ETNPPL: variants seen among roughly 807,000 people sequenced by gnomAD.
The protein encoded by ETNPPL is alanine--glyoxylate aminotransferase 2-like 1.
In ETNPPL, 30 loss-of-function variants were observed where a neutral mutation model predicts 55.5. The observed-to-expected ratio is 0.54, with a 90% CI of 0.40 to 0.73. The LOEUF is 0.73. Among genes scored for constraint, ETNPPL ranks in the 30% least tolerant of loss-of-function variants. The pLI, the probability that ETNPPL is intolerant of heterozygous loss-of-function variation, is 0.00. For missense variants in ETNPPL, 528 were observed against 607.9 expected, an observed-to-expected ratio of 0.87 and a Z score of 1.38; for synonymous variants, 202 against 207.2, an observed-to-expected ratio of 0.98 and a Z score of 0.21.
chr4:108,756,362 T>C lies in ETNPPL; in HGVS notation c.410+56A>G. 6.6e-6 allele frequency: 8 copies of C among 1,210,834 alleles called. No individual in the cohort carries two copies. In the South Asian group the frequency reaches 7.3e-5, roughly 11 times the overall value. The allele number at this position is 1,210,834 out of a possible 1,614,324, so 75.0% of individuals were successfully genotyped here. On this transcript the variant is annotated intron_variant, in intron 4 of 12. Coordinates refer to ENST00000296486, the MANE Select transcript of ETNPPL (RefSeq NM_031279.4). ...ATGGTATTAGTATGGATAGGATCAA[T>C]ACAATTTTGTCTCTGAAGAAGCTTC...
At chr4:108,759,946 G>A in intron 2 of ETNPPL, 38 bp from the exon 3 acceptor site, 1 of 1,591,746 alleles carries the variant, frequency 6.3e-7, no homozygotes, top group Non-Finnish European at 8.6e-7. Context: ...AAATAAGTTA[G>A]AATTCTAAGT....
intron 12 of ETNPPL, 79 bp from the exon 13 acceptor site, chr4:108,742,691 A>G (rs1728276985): frequency 2.0e-6 from 3 of 1,537,536 alleles, no homozygotes; most frequent in African/African-American, 2.7e-5. Flanking sequence ...ACAAGTCCAC[A>G]CACAAACAAA....
chr4:108,744,344 T>C (rs1006606660), intron 11 of ETNPPL, among the ~76,000 whole-genome samples: 3 of 152,194 alleles, frequency 2.0e-5, no homozygotes, highest in Non-Finnish European at 4.4e-5. Context: ...TAAGTGGCAC[T>C]AAGCCCATTT....
In ETNPPL at chr4:108,746,394, C is replaced by T; in HGVS notation, c.1303+5G>A. ...AGAAGACATCTTAAAGATCCATGGA[C>T]CCACCTGTTAGAATCCTATCAAGTT... On this transcript the variant is annotated splice_donor_5th_base_variant and intron_variant, in intron 11 of 12. Coordinates refer to ENST00000296486, the MANE Select transcript of ETNPPL (RefSeq NM_031279.4). The T allele has an allele frequency of 6.2e-7, 1 of 1,610,836 alleles. No individual in the cohort carries two copies. Among genetic ancestry groups the T allele is most frequent in the Non-Finnish European group, 8.5e-7 (1 of 1,178,734 alleles).
At chr4:108,747,161 A>ATGTCAG (rs1728591386) in intron 9 of ETNPPL, among the ~76,000 whole-genome samples, 1 of 15,848 alleles carries the variant, frequency 6.3e-5, no homozygotes, top group African/African-American at 4.8e-4. Flanking sequence ...ATATATATAT[A>ATGTCAG]TATTATATAT....
At position 108,750,953 on chromosome 4, in the gene ETNPPL, G is replaced by C. The variant is rs1242628991; in HGVS notation, c.684C>G (p.Tyr228Ter). Reference protein sequence around the residue: ...CGGQIIPPAGYFQKVAEYVHG... With the variant: ...CGGQIIPPAG ...GTACATACTCTGCCACTTTCTGGAA[G>C]TAGCCTGCTGGAGGAATTATTTGTC... is the stretch of plus-strand genomic sequence containing the variant. Residue 228 changes from tyrosine (Y) to a stop codon, truncating the protein, a stop_gained, in exon 7 of 13, where the codon TAC (tyrosine) becomes TAG (stop). Transcript: ENST00000296486. LOFTEE classifies it high-confidence loss of function. The C allele has an allele frequency of 1.2e-6, 2 of 1,613,234 alleles. No homozygotes were observed. Among genetic ancestry groups the C allele is most frequent in the Non-Finnish European group, 1.7e-6 (2 of 1,179,466 alleles).
intron 1 of ETNPPL, chr4:108,762,613 G>C: frequency 3.1e-6 from 2 of 642,934 alleles, no homozygotes; most frequent in Non-Finnish European, 2.8e-6. Flanking sequence ...TGCAGAGCGA[G>C]CCGGGGACTT....
At position 108,743,844 on chromosome 4, in the gene ETNPPL, GCTT is replaced by G; in HGVS notation, c.1313_1315del (p.Glu438del). On this transcript the variant is annotated inframe_deletion, in exon 12 of 13. Coordinates refer to ENST00000296486, the MANE Select transcript of ETNPPL (RefSeq NM_031279.4). ...CACACTTTCGGTTTTGGTTCCCATAGCTTCTTCTAAAACTGAATCAAGGAAGGT... is the reference window on the plus strand; with the variant it reads ...CACACTTTCGGTTTTGGTTCCCATAGCTTCTAAAACTGAATCAAGGAAGGT... The G allele has an allele frequency of 1.2e-6, 2 of 1,607,834 alleles. No individual in the cohort carries two copies. The highest frequency in any genetic ancestry group is 8.5e-7 in the Non-Finnish European group (1 of 1,174,548).
chr4:108,744,533 C>T (rs538837928), intron 11 of ETNPPL, among the ~76,000 whole-genome samples: 1 of 152,040 alleles, frequency 6.6e-6, no homozygotes, highest in Admixed American at 6.6e-5. Flanking sequence ...GAATGCTTGC[C>T]AGGTCTGGGT....
rs750402743 is a variant in ETNPPL at position 108,748,001 on chromosome 4, A to T, written c.1082+4T>A. 4.4e-6 allele frequency: 7 copies of T among 1,604,700 alleles called. No individual in the cohort carries two copies. The highest frequency in any genetic ancestry group is 5.1e-6 in the Non-Finnish European group (6 of 1,175,928). On this transcript the variant is annotated splice_donor_region_variant and intron_variant, in intron 9 of 12. Transcript: ENST00000296486. ...ACTACATGACAACTTCATAATGAACATACCTAATATCTCCTATCAAAGTGT... is the reference window on the plus strand; with the variant it reads ...ACTACATGACAACTTCATAATGAACTTACCTAATATCTCCTATCAAAGTGT...
intron 11 of ETNPPL, 82 bp downstream of exon 11, chr4:108,746,317 T>G: frequency 7.7e-7 from 1 of 1,302,758 alleles, no homozygotes; most frequent in South Asian, 1.7e-5. Context: ...AAGATGCATA[T>G]GCTCATTATG....
At chr4:108,750,614 G>GATATATATATTTTATATATATATATATAT (rs1553933953) in intron 7 of ETNPPL, among the ~76,000 whole-genome samples, 1 of 121,648 alleles carries the variant, frequency 8.2e-6, no homozygotes, top group Non-Finnish European at 1.7e-5. Flanking sequence ...ATATATATAG[G>GATATATATATTTTATATATATATATATAT]ATATATATAT....
Position 108,746,453 on chromosome 4 carries a change from A to G in ETNPPL, c.1249T>C (p.Phe417Leu). The G allele has an allele frequency of 1.2e-6, 2 of 1,613,978 alleles. No individual in the cohort carries two copies. The highest frequency in any genetic ancestry group is 1.7e-6 in the Non-Finnish European group (2 of 1,179,976). ...ATGAACTTTGCATCTTCTTCAGTGA[A>G]GCACATAGGTGGTTTTATTTTAAGT... Reference protein sequence around the residue: ...NVLKIKPPMCFTEEDAKFMVD... With the variant: ...NVLKIKPPMCLTEEDAKFMVD... Residue 417 changes from phenylalanine (F) to leucine (L), a missense_variant, in exon 11 of 13, where the codon TTC becomes CTC. Physicochemically the swap from Phe to Leu is conservative, Grantham distance 22. Coordinates refer to ENST00000296486, the MANE Select transcript of ETNPPL (RefSeq NM_031279.4).
intron 1 of ETNPPL, chr4:108,762,588 C>G (rs1729561683): frequency 3.2e-6 from 2 of 628,672 alleles, no homozygotes; most frequent in Non-Finnish European, 2.9e-6. Flanking sequence ...CGGCAGCCCC[C>G]GCTAGTCCGC....
chr4:108,754,661 A>G lies in ETNPPL; in HGVS notation c.460T>C (p.Phe154Leu), dbSNP rs759292194. The G allele has an allele frequency of 6.2e-7, 1 of 1,601,604 alleles. No individual in the cohort carries two copies. The highest frequency in any genetic ancestry group is 8.5e-7 in the Non-Finnish European group (1 of 1,170,128). The change falls in exon 5 of 13, where the codon TTT becomes CTT. Residue 154 changes from phenylalanine to leucine, a missense_variant. Coordinates refer to ENST00000296486, the MANE Select transcript of ETNPPL (RefSeq NM_031279.4). ...TTTTTGACATCTTTTCCTTTCTGAA[A>G]CTTATATGGGCTAATCTCAATTAAG... ...SSLIEISPYKFQKGKDVKKEF... is the reference protein window; with the variant it reads ...SSLIEISPYKLQKGKDVKKEF...
intron 4 of ETNPPL, among the ~76,000 whole-genome samples, chr4:108,755,614 C>T (rs936091742): frequency 2.3e-4 from 35 of 151,974 alleles, no homozygotes; most frequent in African/African-American, 8.0e-4. Flanking sequence ...GTCAGGAGTT[C>T]GAAACCAGCC....
At chr4:108,746,666 C>A in intron 10 of ETNPPL, 96 bp downstream of exon 10, 3 of 1,501,050 alleles carry the variant, frequency 2.0e-6, no homozygotes, top group Non-Finnish European at 2.8e-6. Context: ...TTAAACTTTC[C>A]TTTTTCAGAG....
intron 9 of ETNPPL, among the ~76,000 whole-genome samples, chr4:108,747,148 AAT>A (rs1333493207): frequency 0.014 from 476 of 35,242 alleles, 32 homozygotes; most frequent in African/African-American, 0.027. Flanking sequence ...ATATATATAT[AAT>A]ATATATATAT....
At chr4:108,750,835 GC>G (rs1728876385) in intron 7 of ETNPPL, 100 bp downstream of exon 7, 1 of 881,160 alleles carries the variant, frequency 1.1e-6, no homozygotes, top group African/African-American at 1.7e-5. Context: ...CTATTTACCA[GC>G]TAATCAGGAA....
Sources: allele counts gnomAD v4.1 joint callset (sites outside exome capture counted in the v4.1 genomes callset), GRCh38; gene constraint gnomAD v4.1.1; transcripts MANE v1.5; gene names NCBI Gene and HGNC (gene_info 2026-07-23, HGNC 2026-07-21).